The following KLRG2 variants were observed in gnomAD, a reference collection of about 807,000 sequenced individuals.
The protein encoded by KLRG2 is killer cell lectin-like receptor subfamily G member 2.
Under a neutral mutation model 35.4 loss-of-function variants are expected in KLRG2, and 39 were observed. The ratio of observed to expected loss-of-function variants is 1.10; its 90% CI spans 0.85 to 1.44. The LOEUF is 1.44. KLRG2 is among the 40% of genes most tolerant of loss of function. KLRG2 has a pLI of 0.00. For synonymous variants in KLRG2, 283 were observed against 265.8 expected, an observed-to-expected ratio of 1.06 and a Z score of -0.63; for missense variants, 632 against 570.9, an observed-to-expected ratio of 1.11 and a Z score of -1.09.
chr7:139,460,816 G>T (rs1237771411), intron 3 of KLRG2, among the ~76,000 whole-genome samples: 1 of 152,102 alleles, frequency 6.6e-6, no homozygotes, highest in Non-Finnish European at 1.5e-5. Flanking sequence ...AAAATTAGCT[G>T]CATGTGGTGG....
rs1473995881 is a variant in KLRG2, at chr7:139,454,168, G to T, written c.1052C>A (p.Ala351Asp). ...GTGCCAGCCCTGGGGGCCTCGCCAG[G>T]CCCCCACCCAGGAGTGCCTGGAGAC... ...YPVSRHSWVGAWRGPQGWHWI... is the reference protein window; with the variant it reads ...YPVSRHSWVGDWRGPQGWHWI... The change falls in exon 4 of 5, where the codon GCC (alanine) becomes GAC (aspartate). Residue 351 changes from alanine (A) to aspartate (D), a missense_variant. Coordinates refer to ENST00000340940, the MANE Select transcript of KLRG2 (RefSeq NM_198508.4). The T allele has an allele frequency of 9.7e-6, 15 of 1,545,216 alleles. No homozygotes were observed. The highest frequency in any genetic ancestry group is 1.3e-5 in the Non-Finnish European group (15 of 1,144,334).
the KLRG2 span, among the ~76,000 whole-genome samples, chr7:139,437,924 C>T: frequency 7.9e-5 from 12 of 152,186 alleles, no homozygotes; most frequent in Non-Finnish European, 1.3e-4. Flanking sequence ...GGCTGGACTC[C>T]CCCACCCCTG....
intron 3 of KLRG2, 52 bp downstream of exon 3, chr7:139,479,575 T>G (rs970813701): frequency 6.4e-7 from 1 of 1,553,138 alleles, no homozygotes; most frequent in African/African-American, 1.4e-5. Context: ...GTGCTAGGAT[T>G]CTGTGGTCTA....
At chr7:139,442,317 A>G in the KLRG2 span, among the ~76,000 whole-genome samples, 1 of 152,194 alleles carries the variant, frequency 6.6e-6, no homozygotes, top group African/African-American at 2.4e-5. Flanking sequence ...GGACAGGAGG[A>G]GTGAAGGTTA....
chr7:139,429,982 G>T, the KLRG2 span, among the ~76,000 whole-genome samples: 2 of 152,032 alleles, frequency 1.3e-5, no homozygotes, highest in African/African-American at 4.8e-5. Context: ...CCCCATATGG[G>T]TGTTTTTAAG....
At chr7:139,454,276 C>G (rs1038902602) in intron 3 of KLRG2, 62 bp from the exon 4 acceptor site, 1 of 811,578 alleles carries the variant, frequency 1.2e-6, no homozygotes, top group Non-Finnish European at 2.0e-6. Flanking sequence ...CTGGGGCGTA[C>G]GGATTCCCTG....
chr7:139,439,855 C>A, the KLRG2 span, among the ~76,000 whole-genome samples: 1 of 152,016 alleles, frequency 6.6e-6, no homozygotes, highest in Non-Finnish European at 1.5e-5. Flanking sequence ...CAACCTGATG[C>A]TTTTGTTTAA....
At chr7:139,474,576 T>C (rs1796816509) in intron 3 of KLRG2, among the ~76,000 whole-genome samples, 1 of 151,756 alleles carries the variant, frequency 6.6e-6, no homozygotes, top group Non-Finnish European at 1.5e-5. Flanking sequence ...CTGGCCAACA[T>C]GGTGAAACCC....
chr7:139,457,154 C>T (rs903701317), intron 3 of KLRG2, among the ~76,000 whole-genome samples: 2 of 152,128 alleles, frequency 1.3e-5, no homozygotes, highest in Admixed American at 6.5e-5. Flanking sequence ...GGTGAGTGGA[C>T]GGAACAGAGA....
Position 139,483,509 on chromosome 7 carries a change from T to TC in KLRG2, c.133dup (p.Glu45GlyfsTer69), listed in dbSNP as rs774851690. ...GGCCCCGGCCGGACTTGGGCTGCTT[T>TC]CGGGACCTTCAGGTTGTCGCACCTT... On this transcript the variant is annotated frameshift_variant, in exon 1 of 5. Coordinates refer to ENST00000340940, the MANE Select transcript of KLRG2 (RefSeq NM_198508.4). LOFTEE classifies it high-confidence loss of function. 73 of 1,599,192 alleles carry TC rather than the reference T, an allele frequency of 4.6e-5. No homozygotes were observed. The highest frequency in any genetic ancestry group is 6.2e-5 in the Non-Finnish European group (73 of 1,178,944).
At chr7:139,478,294 A>C (rs887901092) in intron 3 of KLRG2, among the ~76,000 whole-genome samples, 3 of 149,824 alleles carry the variant, frequency 2.0e-5, no homozygotes, top group African/African-American at 7.4e-5. Context: ...TGAGCCTGGG[A>C]GTTCAAGGCT....
intron 1 of KLRG2, among the ~76,000 whole-genome samples, chr7:139,482,537 T>C (rs1474335934): frequency 6.6e-6 from 1 of 151,798 alleles, no homozygotes; most frequent in Non-Finnish European, 1.5e-5. Context: ...GGATTACAGG[T>C]GAATGCCACC....
the KLRG2 span, among the ~76,000 whole-genome samples, chr7:139,442,121 C>A: frequency 6.6e-6 from 1 of 152,290 alleles, no homozygotes; most frequent in South Asian, 2.1e-4. Flanking sequence ...CGCCAGGGAG[C>A]AAAGCATGAC....
intron 1 of KLRG2, among the ~76,000 whole-genome samples, chr7:139,481,923 T>C (rs1347708633): frequency 6.6e-6 from 1 of 151,644 alleles, no homozygotes; most frequent in African/African-American, 2.4e-5. Context: ...GCAAAACTTA[T>C]TTCTTAAAAA....
intron 3 of KLRG2, among the ~76,000 whole-genome samples, chr7:139,468,920 A>G (rs1222289630): frequency 1.3e-5 from 2 of 152,140 alleles, no homozygotes; most frequent in Non-Finnish European, 2.9e-5. Context: ...TTACAAGAGG[A>G]GTAAATTTAG....
intron 3 of KLRG2, among the ~76,000 whole-genome samples, chr7:139,478,209 A>G (rs1291102851): frequency 6.6e-6 from 1 of 151,870 alleles, no homozygotes; most frequent in Non-Finnish European, 1.5e-5. Context: ...GTCTCTACAA[A>G]AAATAAATTA....
At chr7:139,449,828 T>A (rs1306033900), downstream of KLRG2, among the ~76,000 whole-genome samples, 1 of 149,384 alleles carries the variant, frequency 6.7e-6, no homozygotes, top group Admixed American at 6.8e-5. Flanking sequence ...GCCTCCCGAG[T>A]AGCTGGGACT....
At chr7:139,474,843 AC>A (rs563708341) in intron 3 of KLRG2, among the ~76,000 whole-genome samples, 446 of 152,342 alleles carry the variant, frequency 2.9e-3, no homozygotes, top group African/African-American at 0.01. Flanking sequence ...ATAGCCCTTG[AC>A]ACAGGATTTG....
At chr7:139,456,815 C>T (rs1796484336) in intron 3 of KLRG2, among the ~76,000 whole-genome samples, 1 of 152,188 alleles carries the variant, frequency 6.6e-6, no homozygotes, top group Non-Finnish European at 1.5e-5. Flanking sequence ...CTCCTTGTCA[C>T]TTTCCTGTAT....
Sources: allele counts gnomAD v4.1 joint callset (sites outside exome capture counted in the v4.1 genomes callset), GRCh38; gene constraint gnomAD v4.1.1; transcripts MANE v1.5; gene names NCBI Gene and HGNC (gene_info 2026-07-23, HGNC 2026-07-21).